The following LRP1B variants were observed in gnomAD, a reference collection of about 807,000 sequenced individuals.
LRP1B encodes the protein LDL receptor related protein 1B, also known as low-density lipoprotein receptor-related protein 1B.
A neutral mutation model predicts 556.6 loss-of-function variants in LRP1B; 217 were observed. The ratio of observed to expected loss-of-function variants is 0.39; its 90% CI spans 0.35 to 0.44. The LOEUF (loss-of-function observed/expected upper bound fraction) is 0.44, where lower values mean the gene tolerates loss of function less well. Among genes scored for constraint, LRP1B ranks in the 20% least tolerant of loss-of-function variants. The pLI is 1.00. For synonymous variants in LRP1B, 2,047 were observed against 1,865.8 expected, an observed-to-expected ratio of 1.10 and a Z score of -2.50; for missense variants, 5,053 against 5,620.8, an observed-to-expected ratio of 0.90 and a Z score of 3.23.
chr2:140,995,289 C>T lies in LRP1B; in HGVS notation c.2504-1154G>A, dbSNP rs1697211015. Among the ~76,000 whole-genome samples the T allele has an allele frequency of 3.3e-5, 5 of 152,088 alleles. No homozygotes were observed. In the South Asian group the frequency reaches 1.0e-3, roughly 32 times the overall value. ...AACTTCCAACCTTCTCTTTGTTTTT[C>T]GGCCATACAGAAGATCATCTAGTCT... On this transcript the variant is annotated intron_variant, in intron 15 of 90. Coordinates refer to ENST00000389484, the MANE Select transcript of LRP1B (RefSeq NM_018557.3).
intron 2 of LRP1B, among the ~76,000 whole-genome samples, chr2:141,490,734 A>G (rs1261428322): frequency 3.3e-5 from 5 of 152,016 alleles, no homozygotes; most frequent in South Asian, 2.1e-4. Flanking sequence ...ATCAAACCCC[A>G]TATTAATAGA....
At chr2:141,654,149 A>G (rs1689908346) in intron 2 of LRP1B, among the ~76,000 whole-genome samples, 1 of 152,216 alleles carries the variant, frequency 6.6e-6, no homozygotes, top group African/African-American at 2.4e-5. Flanking sequence ...ATGAAGCTAG[A>G]GTGGGTCCAG....
intron 2 of LRP1B, among the ~76,000 whole-genome samples, chr2:141,743,505 T>TTTTTTTTTTTC (rs1693795261): frequency 1.4e-5 from 1 of 72,502 alleles, no homozygotes; most frequent in African/African-American, 5.1e-5. Context: ...TTTTTTCTTT[T>TTTTTTTTTTTC]TTTTTTTTTT....
At chr2:140,328,736 AAAATTGTT>A (rs1680630451) in intron 79 of LRP1B, among the ~76,000 whole-genome samples, 1 of 152,096 alleles carries the variant, frequency 6.6e-6, no homozygotes, top group Non-Finnish European at 1.5e-5. Context: ...TTTATTTTAA[AAAATTGTT>A]AGAGTTTCAG....
intron 1 of LRP1B, among the ~76,000 whole-genome samples, chr2:142,060,884 G>T (rs1479415940): frequency 6.6e-6 from 1 of 151,890 alleles, no homozygotes; most frequent in African/African-American, 2.4e-5. Flanking sequence ...GAGATATGAG[G>T]CATGAAAGCA....
At chr2:141,059,192 G>T in intron 8 of LRP1B, 138 bp from the exon 9 acceptor site, 1 of 552,176 alleles carries the variant, frequency 1.8e-6, no homozygotes, top group Non-Finnish European at 3.0e-6. Context: ...TTTTCTCAAG[G>T]AGTTCAACAT....
chr2:140,492,871 C>A (rs887454966), intron 56 of LRP1B, among the ~76,000 whole-genome samples, 178 bp from the exon 57 acceptor site: 5 of 152,168 alleles, frequency 3.3e-5, no homozygotes, highest in African/African-American at 1.2e-4. Flanking sequence ...AGAGGCAGCA[C>A]ACGCCCAGGC....
chr2:140,780,565 C>T (rs1689662737), intron 32 of LRP1B, among the ~76,000 whole-genome samples: 1 of 152,068 alleles, frequency 6.6e-6, no homozygotes, highest in South Asian at 2.1e-4. Flanking sequence ...GAAGATGTTC[C>T]CTCCTTACTC....
intron 37 of LRP1B, 38 bp downstream of exon 37, chr2:140,715,935 C>G (rs895003372): frequency 2.7e-6 from 4 of 1,470,434 alleles, no homozygotes; most frequent in Non-Finnish European, 3.7e-6. Context: ...AGAAAACTCA[C>G]ATAAAACTTG....
At chr2:140,916,192 C>T (rs1469990032) in intron 21 of LRP1B, among the ~76,000 whole-genome samples, 2 of 152,026 alleles carry the variant, frequency 1.3e-5, no homozygotes, top group East Asian at 3.9e-4. Context: ...TTCCATAGGG[C>T]TGGTTCCAGA....
intron 3 of LRP1B, among the ~76,000 whole-genome samples, chr2:141,476,046 G>A (rs533279176): frequency 2.5e-4 from 38 of 152,252 alleles, no homozygotes; most frequent in African/African-American, 8.2e-4. Context: ...CTGGGGCTTT[G>A]GGAGTTGCAG....
At chr2:141,532,528 C>G (rs554165027) in intron 2 of LRP1B, among the ~76,000 whole-genome samples, 80 of 151,328 alleles carry the variant, frequency 5.3e-4, no homozygotes, top group Non-Finnish European at 5.5e-4. Context: ...TCAGCATGGA[C>G]AGAATTGGTA....
chr2:141,582,336 C>T lies in LRP1B; in HGVS notation c.206-101803G>A, dbSNP rs73965716. Among the ~76,000 whole-genome samples the T allele has an allele frequency of 5.9e-3, 899 of 152,268 alleles. 6 individuals carry two copies. Among genetic ancestry groups the T allele is most frequent in the African/African-American group, 0.02 (819 of 41,556 alleles). On this transcript the variant is annotated intron_variant, in intron 2 of 90. Transcript: ENST00000389484. ...TGAAGAAAACAAGGAATTCATGAGA[C>T]GCACAAGTTGTTCCTGCTGCTGTTT... is the stretch of plus-strand genomic sequence containing the variant.
At position 140,526,301 on chromosome 2, in the gene LRP1B, A is replaced by G. The variant is rs2104970066; in HGVS notation, c.7812T>C (p.Ile2604=). 6.2e-7 allele frequency: 1 copy of G among 1,612,096 alleles called. No individual in the cohort carries two copies. The highest frequency in any genetic ancestry group is 1.3e-5 in the African/African-American group (1 of 74,900). ...TCTGGTTGCATCGTGCTGATCTTGG[A>G]ATACAAGTCCCATCTGCACAGCGGA... ...VEFRCADGTC[I]PRSARCNQNI... The change falls in exon 48 of 91, where the codon ATT becomes ATC. Residue 2604 remains isoleucine (I), a synonymous_variant. Coordinates refer to ENST00000389484, the MANE Select transcript of LRP1B (RefSeq NM_018557.3).
At chr2:141,877,194 A>G (rs757084592) in intron 1 of LRP1B, among the ~76,000 whole-genome samples, 2 of 151,986 alleles carry the variant, frequency 1.3e-5, no homozygotes, top group Non-Finnish European at 2.9e-5. Flanking sequence ...AGTGTTAAAC[A>G]TTAGTTTTTT....
rs1038396758 is a variant in LRP1B, at chr2:142,125,029, G to A, written c.82+5619C>T. Among the ~76,000 whole-genome samples the A allele has an allele frequency of 5.3e-5, 8 of 151,734 alleles. No individual in the cohort carries two copies. In the East Asian group the frequency reaches 1.3e-3, roughly 26 times the overall value. ...TGTATAGAGATAGCCTAAATAGAAA[G>A]GATGGAGAGAAAGAGAGATGGAGAG... On this transcript the variant is annotated intron_variant, in intron 1 of 90. Transcript: ENST00000389484.
intron 6 of LRP1B, among the ~76,000 whole-genome samples, chr2:141,227,303 T>C (rs78123232): frequency 1.3e-5 from 2 of 152,244 alleles, no homozygotes; most frequent in African/African-American, 4.8e-5. Flanking sequence ...ATATTTTAGC[T>C]ATTTGACTAT....
intron 7 of LRP1B, among the ~76,000 whole-genome samples, chr2:141,183,542 C>T (rs1681104526): frequency 6.6e-6 from 1 of 151,966 alleles, no homozygotes; most frequent in African/African-American, 2.4e-5. Context: ...TGGCAGATGG[C>T]CTGCTCTTGT....
rs200549263 is a variant in LRP1B, at chr2:140,989,546, T to A, written c.2756A>T (p.Asn919Ile). The A allele has an allele frequency of 6.2e-7, 1 of 1,613,188 alleles. No homozygotes were observed. The highest frequency in any genetic ancestry group is 8.5e-7 in the Non-Finnish European group (1 of 1,179,384). The change falls in exon 17 of 91, where the codon AAT (asparagine) becomes ATT (isoleucine). Residue 919 changes from asparagine to isoleucine, a missense_variant. Coordinates refer to ENST00000389484, the MANE Select transcript of LRP1B (RefSeq NM_018557.3). ...CAAACCTTTACCTGTGCAAGTTTGA[T>A]TGGATTCATCTTCATTGCTCCCACA... is the stretch of plus-strand genomic sequence containing the variant. ...NDCGSNEDES[N>I]QTCTARTCQV...
Sources: gnomAD v4.1 joint callset for allele counts (sites outside exome capture counted in the v4.1 genomes callset) on GRCh38, gnomAD v4.1.1 for gene constraint, MANE v1.5 for transcripts, NCBI Gene and HGNC (gene_info 2026-07-23, HGNC 2026-07-21) for gene names.